DLG2: variants seen among roughly 807,000 people sequenced by gnomAD.
The protein encoded by DLG2 is discs large MAGUK scaffold protein 2.
In DLG2, 45 loss-of-function variants were observed where a neutral mutation model predicts 132.5. The observed-to-expected ratio is 0.34, with a 90% confidence interval of 0.27 to 0.44. The LOEUF (loss-of-function observed/expected upper bound fraction) is 0.44, where lower values mean the gene tolerates loss of function less well. Among genes scored for constraint, DLG2 ranks in the 20% least tolerant of loss-of-function variants. The pLI, the probability that DLG2 is intolerant of heterozygous loss-of-function variation, is 1.00. For missense variants in DLG2, 1,045 were observed against 1,196.9 expected, an observed-to-expected ratio of 0.87 and a Z score of 1.87; for synonymous variants, 424 against 419.6, an observed-to-expected ratio of 1.01 and a Z score of -0.13.
At chr11:85,040,841 G>A (rs1233321519) in intron 6 of DLG2, among the ~76,000 whole-genome samples, 2 of 151,770 alleles carry the variant, frequency 1.3e-5, no homozygotes, top group African/African-American at 4.8e-5. Flanking sequence ...TCTAAATACA[G>A]CAACTAAAAC....
In DLG2 at chr11:83,732,980, G is replaced by A. The variant is rs762573003; in HGVS notation, c.1825+53710C>T. 2.1e-4 allele frequency among the ~76,000 whole-genome samples: 32 copies of A among 152,234 alleles called. 2 individuals are homozygous for A. Among genetic ancestry groups the A allele is most frequent in the Admixed American group, 9.2e-4 (14 of 15,286 alleles). On this transcript the variant is annotated intron_variant, in intron 18 of 27. Transcript: ENST00000376104. ...TCAATGGCTGGGCGCGACGGCTCAC[G>A]CCTGTAATCCCAGCACTTTCGGAGG...
chr11:85,122,957 ATATATATATATATTTTTTTTTT>A (rs2074544697), intron 5 of DLG2, among the ~76,000 whole-genome samples: 1 of 44,216 alleles, frequency 2.3e-5, no homozygotes, highest in Non-Finnish European at 3.7e-5. Flanking sequence ...TATTATATAT[ATATATATATATATTTTTTTTTT>A]TTTTTTTTTT....
rs981295350 is a variant in DLG2, at chr11:84,416,245, GAA to G, written c.519+118323_519+118324del. ...TACTTCTGAGTAACTTAGAGAGAGA[GAA>G]AGAGACTAACATTCAATGCTTCTTA... On this transcript the variant is annotated intron_variant, in intron 7 of 27. Coordinates refer to ENST00000376104, the MANE Select transcript of DLG2 (RefSeq NM_001142699.3). Among the ~76,000 whole-genome samples the G allele has an allele frequency of 4.5e-4, 68 of 152,288 alleles. 1 individual carries two copies. The highest frequency in any genetic ancestry group is 1.4e-3 in the African/African-American group (60 of 41,550).
At chr11:84,103,285 C>A (rs1037280069) in intron 9 of DLG2, among the ~76,000 whole-genome samples, 2 of 152,098 alleles carry the variant, frequency 1.3e-5, no homozygotes, top group Non-Finnish European at 2.9e-5. Context: ...CTGCCTGCTG[C>A]TCTCTATGGC....
chr11:83,970,271 T>C (rs1423160890), intron 12 of DLG2, among the ~76,000 whole-genome samples: 1 of 152,170 alleles, frequency 6.6e-6, no homozygotes, highest in Non-Finnish European at 1.5e-5. Flanking sequence ...AGTGAAATGA[T>C]CCAGAAAATA....
chr11:83,688,267 G>C (rs1203578701), intron 18 of DLG2, among the ~76,000 whole-genome samples: 2 of 152,072 alleles, frequency 1.3e-5, no homozygotes, highest in Non-Finnish European at 2.9e-5. Flanking sequence ...AGATTTCCTA[G>C]TTTTCAGTAA....
intron 7 of DLG2, among the ~76,000 whole-genome samples, chr11:84,466,858 A>G (rs2099095804): frequency 6.6e-6 from 1 of 151,420 alleles, no homozygotes; most frequent in Non-Finnish European, 1.5e-5. Flanking sequence ...GATAAAGTGA[A>G]TAAGTAAAAA....
chr11:84,093,063 G>GA lies in DLG2; in HGVS notation c.749+5859dup, dbSNP rs368516760. 5.4e-4 allele frequency among the ~76,000 whole-genome samples: 81 copies of GA among 150,466 alleles called. No individual in the cohort carries two copies. In the East Asian group the frequency reaches 0.015, roughly 28 times the overall value. ...AAAAAAAAAAAAAGAAAGAAAGAAA[G>GA]AAAGAAAATTACCACACACTTACAC... On this transcript the variant is annotated intron_variant, in intron 10 of 27. Transcript: ENST00000376104.
intron 11 of DLG2, among the ~76,000 whole-genome samples, chr11:83,982,633 T>A (rs2092899927): frequency 6.6e-6 from 1 of 152,142 alleles, no homozygotes; most frequent in Non-Finnish European, 1.5e-5. Context: ...GAGCTAAGGT[T>A]AATTATTGAA....
At chr11:83,824,667 G>T (rs1286114335) in intron 17 of DLG2, among the ~76,000 whole-genome samples, 6 of 152,102 alleles carry the variant, frequency 3.9e-5, no homozygotes, top group African/African-American at 1.4e-4. Flanking sequence ...GGACTTCTCA[G>T]ATCTTTCATT....
chr11:85,333,637 G>C (rs1427016012), intron 3 of DLG2, among the ~76,000 whole-genome samples: 2 of 151,876 alleles, frequency 1.3e-5, no homozygotes, highest in African/African-American at 2.4e-5. Flanking sequence ...TTTGACATGG[G>C]GAGATTTTCA....
At chr11:85,019,380 G>A (rs1420857152) in intron 6 of DLG2, among the ~76,000 whole-genome samples, 1 of 152,140 alleles carries the variant, frequency 6.6e-6, no homozygotes, top group African/African-American at 2.4e-5. Context: ...GATACTAGGG[G>A]AGAGGATCTG....
At position 85,398,380 on chromosome 11, in the gene DLG2, G is replaced by T. The variant is rs1184513444; in HGVS notation, c.41-113015C>A. On this transcript the variant is annotated intron_variant, in intron 3 of 27. Transcript: ENST00000376104. ...CATAATTAAAAGAACTAGAGAAGCT[G>T]GAGCAAACACATTCAAAAGCTAGCA... 2.0e-5 allele frequency among the ~76,000 whole-genome samples: 3 copies of T among 151,784 alleles called. No homozygotes were observed. In the East Asian group the frequency reaches 5.8e-4, roughly 29 times the overall value.
At chr11:84,793,790 A>C (rs1459815619) in intron 6 of DLG2, among the ~76,000 whole-genome samples, 2 of 152,056 alleles carry the variant, frequency 1.3e-5, no homozygotes. Context: ...GTGTTTCTTT[A>C]GAAAGGAAGT....
Position 84,561,415 on chromosome 11 carries a change from C to T in DLG2, c.358-26684G>A, listed in dbSNP as rs568026661. Among the ~76,000 whole-genome samples the T allele has an allele frequency of 1.3e-3, 204 of 152,168 alleles. 3 individuals are homozygous for T. Among genetic ancestry groups the T allele is most frequent in the African/African-American group, 4.6e-3 (193 of 41,548 alleles). On this transcript the variant is annotated intron_variant, in intron 6 of 27. Transcript: ENST00000376104. ...AAGACTCATATTAAATGTTACCTTTCTGTGAAACCTCCCTTCTAGCAGCCA... is the reference window on the plus strand; with the variant it reads ...AAGACTCATATTAAATGTTACCTTTTTGTGAAACCTCCCTTCTAGCAGCCA...
chr11:84,538,766 G>A (rs1025243100), intron 6 of DLG2, among the ~76,000 whole-genome samples: 3 of 152,062 alleles, frequency 2.0e-5, no homozygotes, highest in Admixed American at 6.6e-5. Flanking sequence ...TAGACAATAG[G>A]GAGTCATCCA....
intron 6 of DLG2, among the ~76,000 whole-genome samples, chr11:84,562,749 CTT>C (rs1307584790): frequency 2.1e-5 from 3 of 143,990 alleles, no homozygotes; most frequent in African/African-American, 2.5e-5. Context: ...TTCTTTCTTT[CTT>C]TTTTTTTTTT....
At chr11:84,397,554 AT>A (rs1185291305) in intron 7 of DLG2, among the ~76,000 whole-genome samples, 1 of 152,136 alleles carries the variant, frequency 6.6e-6, no homozygotes, top group Non-Finnish European at 1.5e-5. Flanking sequence ...CTCTCTCTCT[AT>A]TTTTTGGCAA....
chr11:84,257,129 T>C (rs1331987760), intron 7 of DLG2, among the ~76,000 whole-genome samples: 1 of 152,072 alleles, frequency 6.6e-6, no homozygotes, highest in Non-Finnish European at 1.5e-5. Flanking sequence ...TATTAGATTT[T>C]CCCCCATAAC....
Sources: gnomAD v4.1 joint callset for allele counts (sites outside exome capture counted in the v4.1 genomes callset) on GRCh38, gnomAD v4.1.1 for gene constraint, MANE v1.5 for transcripts, NCBI Gene and HGNC (gene_info 2026-07-23, HGNC 2026-07-21) for gene names.